The following GPR55 variants were observed in gnomAD, a reference collection of about 807,000 sequenced individuals.
The protein encoded by GPR55 is G-protein coupled receptor 55.
A neutral mutation model predicts 7.9 loss-of-function variants in GPR55; 6 were observed. The ratio of observed to expected loss-of-function variants is 0.76; its 90% CI spans 0.41 to 1.49. The LOEUF is 1.49. Among genes scored for constraint, GPR55 ranks in the 40% most tolerant of loss-of-function variants. The pLI, the probability that GPR55 is intolerant of heterozygous loss-of-function variation, is 0.01. For missense variants in GPR55, 376 were observed against 406.0 expected, an observed-to-expected ratio of 0.93 and a Z score of 0.63; for synonymous variants, 183 against 166.8, an observed-to-expected ratio of 1.10 and a Z score of -0.75.
rs1339675853 is a variant in GPR55 at position 230,923,605 on chromosome 2, G to T, written c.-135+1563C>A. On this transcript the variant is annotated intron_variant, in intron 1 of 1. Transcript: ENST00000650999. This position sits in a 1 kb window ranked among gnomAD's most constrained non-coding sequence, Gnocchi z 4.1. ...AATGTTGCTGGAGCTTGGGCTGGGG[G>T]GTTGGAGTGGGGCTGGGAGAGGGGA... Among the ~76,000 whole-genome samples, 1 of 152,100 alleles carries T rather than the reference G, an allele frequency of 6.6e-6. No homozygotes were observed. Among genetic ancestry groups the T allele is most frequent in the Non-Finnish European group, 1.5e-5 (1 of 68,012 alleles).
intron 1 of GPR55, among the ~76,000 whole-genome samples, chr2:230,914,401 G>C (rs1358117098): frequency 5.3e-5 from 8 of 152,200 alleles, no homozygotes; most frequent in Non-Finnish European, 1.0e-4. Context: ...CTATGGGCTG[G>C]CAAGAAGAAA....
intron 1 of GPR55, among the ~76,000 whole-genome samples, chr2:230,956,905 T>C (rs1431843926): frequency 6.6e-6 from 1 of 150,710 alleles, no homozygotes; most frequent in African/African-American, 2.4e-5. Context: ...TGCCTCATGA[T>C]GTAATTCAGA....
At chr2:230,956,278 C>T (rs893707300) in intron 1 of GPR55, among the ~76,000 whole-genome samples, 1 of 152,072 alleles carries the variant, frequency 6.6e-6, no homozygotes, top group Non-Finnish European at 1.5e-5. Flanking sequence ...AATTTTCCTG[C>T]CCCAGCCTCC....
At chr2:230,937,969 A>G (rs1380359276) in intron 1 of GPR55, among the ~76,000 whole-genome samples, 1 of 151,872 alleles carries the variant, frequency 6.6e-6, no homozygotes, top group East Asian at 1.9e-4. Flanking sequence ...AGCCTAGGTA[A>G]TATATTGAGA....
intron 1 of GPR55, among the ~76,000 whole-genome samples, chr2:230,954,986 TG>T (rs1691458320): frequency 6.6e-6 from 1 of 152,238 alleles, no homozygotes; most frequent in South Asian, 2.1e-4. Flanking sequence ...CAATTGGAAT[TG>T]GCAAGTGAAA....
intron 1 of GPR55, among the ~76,000 whole-genome samples, chr2:230,911,855 A>G (rs1690600128): frequency 6.6e-6 from 1 of 152,190 alleles, no homozygotes; most frequent in African/African-American, 2.4e-5. Flanking sequence ...CCAAGGCTGC[A>G]GGTGTGGTTG....
In GPR55 at chr2:230,944,204, T is replaced by C. The variant is rs1375270138; in HGVS notation, c.-135+16571A>G. Reference sequence around the variant, plus strand: ...GACTTCCCAGGAAATTACCCACCACTGGACATTGGACAGGGCAAAGCTGTG... The same window carrying C: ...GACTTCCCAGGAAATTACCCACCACCGGACATTGGACAGGGCAAAGCTGTG... On this transcript the variant is annotated intron_variant, in intron 1 of 1. Coordinates refer to the GPR55 transcript ENST00000392039. This position sits in a 1 kb window ranked among gnomAD's most constrained non-coding sequence, Gnocchi z 4.2. 6.6e-6 allele frequency among the ~76,000 whole-genome samples: 1 copy of C among 152,202 alleles called. No individual in the cohort carries two copies. Among genetic ancestry groups the C allele is most frequent in the Non-Finnish European group, 1.5e-5 (1 of 68,042 alleles).
chr2:230,950,063 C>T (rs772928986), intron 1 of GPR55, among the ~76,000 whole-genome samples: 3 of 152,182 alleles, frequency 2.0e-5, no homozygotes, highest in Admixed American at 6.5e-5. Flanking sequence ...CGCCTGACAT[C>T]GTGATCCACC....
At position 230,910,898 on chromosome 2, in the gene GPR55, AG is replaced by A; in HGVS notation, c.64del (p.Leu22TyrfsTer42). 1 of 1,613,828 alleles carries A rather than the reference AG, an allele frequency of 6.2e-7. No homozygotes were observed. The highest frequency in any genetic ancestry group is 8.5e-7 in the Non-Finnish European group (1 of 1,179,726). ...GGTGGGGATGTGGACTGCAAACTGTAGGGTTTTCATCAGCTCGTTGACACCG... is the reference window on the plus strand; with the variant it reads ...GGTGGGGATGTGGACTGCAAACTGTAGGTTTTCATCAGCTCGTTGACACCG... ...FDGVNELMKTLQFAVHIPTFV... is the reference protein window; with the variant it reads ...FDGVNELMKTXQFAVHIPTFV... On this transcript the variant is annotated frameshift_variant, in exon 2 of 2. Coordinates refer to ENST00000650999, the MANE Select transcript of GPR55 (RefSeq NM_005683.4). LOFTEE classifies it high-confidence loss of function. The surrounding 1 kb of genome is among the most constrained non-coding windows in gnomAD (Gnocchi z 5.4).
At chr2:230,956,920 C>T (rs1691490725) in intron 1 of GPR55, among the ~76,000 whole-genome samples, 1 of 136,310 alleles carries the variant, frequency 7.3e-6, no homozygotes, top group South Asian at 2.4e-4. Context: ...TTCAGATTAA[C>T]CTTTTTTTTT....
intron 1 of GPR55, among the ~76,000 whole-genome samples, chr2:230,933,826 G>T (rs1691091929): frequency 1.3e-5 from 2 of 152,194 alleles, no homozygotes; most frequent in African/African-American, 4.8e-5. Context: ...GCGGGATGAA[G>T]CTCTGCTGTG....
chr2:230,927,823 C>T (rs1690968730), upstream of GPR55, among the ~76,000 whole-genome samples: 1 of 152,262 alleles, frequency 6.6e-6, no homozygotes, highest in Non-Finnish European at 1.5e-5. Context: ...AAATTCGCTC[C>T]TTCAGCAGCC....
chr2:230,955,823 C>T (rs1183880316), intron 1 of GPR55, among the ~76,000 whole-genome samples: 1 of 152,126 alleles, frequency 6.6e-6, no homozygotes, highest in African/African-American at 2.4e-5. Flanking sequence ...ACCTCCCGGG[C>T]TCAAGCAATC....
chr2:230,953,724 T>C (rs1559181030), intron 1 of GPR55, among the ~76,000 whole-genome samples: 1 of 152,186 alleles, frequency 6.6e-6, no homozygotes, highest in Non-Finnish European at 1.5e-5. Flanking sequence ...ACCCTGTACA[T>C]CCTGTGTCCC....
intron 1 of GPR55, among the ~76,000 whole-genome samples, chr2:230,935,273 TAG>T (rs1481489095): frequency 6.6e-6 from 1 of 152,042 alleles, no homozygotes; most frequent in African/African-American, 2.4e-5. Context: ...TCTTAGGAAC[TAG>T]AGTGTGTGGT....
At chr2:230,934,706 T>A (rs986094149) in intron 1 of GPR55, among the ~76,000 whole-genome samples, 1 of 152,066 alleles carries the variant, frequency 6.6e-6, no homozygotes, top group East Asian at 1.9e-4. Context: ...GGGGTGAGGA[T>A]GACCATCTGT....
rs200487495 is a variant in GPR55 at position 230,910,192 on chromosome 2, G to A, written c.771C>T (p.Ile257=). The change falls in exon 2 of 2, where the codon ATC becomes ATT. Residue 257 remains isoleucine (I), a synonymous_variant. Coordinates refer to ENST00000650999, the MANE Select transcript of GPR55 (RefSeq NM_005683.4). This position sits in a 1 kb window ranked among gnomAD's most constrained non-coding sequence, Gnocchi z 5.4. The part of the protein sequence containing the change: ...FLQFLVRNSF[I]VECRAKQSIS... ...TGCTCTGCTTGGCTCTGCACTCTAC[G>A]ATAAAGCTGTTTCTCACCAGGAACT... The A allele has an allele frequency of 6.0e-5, 97 of 1,613,940 alleles. No individual in the cohort carries two copies. The highest frequency in any genetic ancestry group is 7.3e-5 in the Non-Finnish European group (86 of 1,179,928).
chr2:230,960,046 G>C (rs867794457), intron 1 of GPR55, among the ~76,000 whole-genome samples: 1 of 152,194 alleles, frequency 6.6e-6, no homozygotes, highest in Non-Finnish European at 1.5e-5. Context: ...CCTGGGCTTA[G>C]GTGCTGGCAA....
chr2:230,934,411 C>G (rs1032105093), intron 1 of GPR55, among the ~76,000 whole-genome samples: 2 of 152,184 alleles, frequency 1.3e-5, no homozygotes, highest in African/African-American at 4.8e-5. Flanking sequence ...GGTTAGTTCC[C>G]AGGACCAAAT....
Sources: gnomAD v4.1 joint callset for allele counts (sites outside exome capture counted in the v4.1 genomes callset) on GRCh38, gnomAD v4.1.1 for gene constraint, Gnocchi (gnomAD v3.1) non-coding constraint, MANE v1.5 for transcripts, NCBI Gene and HGNC (gene_info 2026-07-23, HGNC 2026-07-21) for gene names.